STAU2: variants seen among roughly 807,000 people sequenced by gnomAD.
STAU2 encodes the protein double-stranded RNA-binding protein Staufen homolog 2.
Under a neutral mutation model 65.9 loss-of-function variants are expected in STAU2, and 20 were observed. The observed-to-expected ratio is 0.30, with a 90% CI of 0.21 to 0.44. STAU2 has a LOEUF of 0.44. Among genes scored for constraint, STAU2 ranks in the 20% least tolerant of loss-of-function variants. STAU2 has a pLI of 1.00. For missense variants in STAU2, 558 were observed against 683.9 expected (o/e 0.82, Z 2.05); for synonymous variants, 232 against 233.9 (o/e 0.99, Z 0.07).
intron 5 of STAU2, among the ~76,000 whole-genome samples, chr8:73,687,441 T>TATATAA (rs1308953069): frequency 2.3e-5 from 3 of 128,960 alleles, no homozygotes; most frequent in African/African-American, 1.0e-4. Flanking sequence ...ATATTTATAA[T>TATATAA]ATATAAATAT....
chr8:73,720,108 C>G (rs1191514197), intron 3 of STAU2, among the ~76,000 whole-genome samples: 1 of 152,056 alleles, frequency 6.6e-6, no homozygotes, highest in Admixed American at 6.6e-5. Flanking sequence ...GAAACCTTAT[C>G]TCTACAAACA....
chr8:73,687,942 C>T (rs953637759), intron 5 of STAU2, among the ~76,000 whole-genome samples: 17 of 151,078 alleles, frequency 1.1e-4, no homozygotes, highest in African/African-American at 3.9e-4. Flanking sequence ...TCTCAATCTC[C>T]TGACCTCGTG....
At chr8:73,456,362 T>C (rs918193965) in intron 13 of STAU2, among the ~76,000 whole-genome samples, 2 of 152,196 alleles carry the variant, frequency 1.3e-5, no homozygotes, top group African/African-American at 4.8e-5. Context: ...CTGGAACCTC[T>C]CATCTTCCAT....
At chr8:73,595,364 A>T in intron 10 of STAU2, 67 bp from the exon 11 acceptor site, 3 of 1,410,088 alleles carry the variant, frequency 2.1e-6, no homozygotes, top group Non-Finnish European at 2.8e-6. Context: ...AAGTCCTTAC[A>T]TCATAAAGCA....
At chr8:73,729,369 G>A (rs190659714) in intron 3 of STAU2, among the ~76,000 whole-genome samples, 48 of 152,150 alleles carry the variant, frequency 3.2e-4, no homozygotes, top group African/African-American at 1.1e-3. Context: ...TGTAATTTTC[G>A]CATTACGTCT....
chr8:73,672,504 G>A (rs181622689), intron 6 of STAU2: 2 of 152,034 alleles, frequency 1.3e-5, no homozygotes, highest in Admixed American at 6.6e-5. Flanking sequence ...TCATCAAGAG[G>A]TATACTTAAG....
chr8:73,574,256 A>C (rs1809341463), intron 12 of STAU2, among the ~76,000 whole-genome samples: 1 of 152,232 alleles, frequency 6.6e-6, no homozygotes, highest in African/African-American at 2.4e-5. Flanking sequence ...TCAGGAAACA[A>C]CAGGTGCTGG....
intron 6 of STAU2, among the ~76,000 whole-genome samples, chr8:73,671,408 A>C (rs537291040): frequency 1.3e-5 from 2 of 151,258 alleles, no homozygotes; most frequent in Non-Finnish European, 3.0e-5. Context: ...AAAAAAAAAC[A>C]AAAAAAACAC....
At chr8:73,594,392 G>A (rs1184324124) in intron 11 of STAU2, among the ~76,000 whole-genome samples, 1 of 152,094 alleles carries the variant, frequency 6.6e-6, no homozygotes, top group African/African-American at 2.4e-5. Context: ...CTCTGAAACA[G>A]AATTCTTGTG....
In STAU2 at chr8:73,688,707, G is replaced by A. The variant is rs142944780; in HGVS notation, c.221C>T (p.Thr74Met). The A allele has an allele frequency of 7.3e-5, 118 of 1,614,088 alleles. No homozygotes were observed. The African/African-American group carries it at 1.3e-3, about 18-fold the overall frequency. The change falls in exon 5 of 15, where the codon ACG (threonine) becomes ATG (methionine). Residue 74 changes from threonine to methionine, a missense_variant. Thr to Met is a moderately conservative substitution (Grantham distance 81). Around this residue, in one of 3 missense-constraint regions of STAU2, gnomAD observed 112 missense variants for 114.2 expected, o/e 0.98. Transcript: ENST00000524300. ...AVANKALTES[T>M]LPKPVQKPPK... ...TGGCTTCTGAACTGGTTTGGGAAGC[G>A]TAGATTCAGTCAAAGCTTTATTGGC...
At chr8:73,598,870 G>C (rs1316408136) in intron 10 of STAU2, among the ~76,000 whole-genome samples, 3 of 152,036 alleles carry the variant, frequency 2.0e-5, no homozygotes, top group Non-Finnish European at 4.4e-5. Context: ...CATTCAAGTA[G>C]AAGATGAAAA....
intron 13 of STAU2, among the ~76,000 whole-genome samples, chr8:73,485,478 G>A (rs16938682): frequency 1.3e-5 from 2 of 151,914 alleles, no homozygotes; most frequent in East Asian, 3.9e-4. Context: ...GTAGGACCAC[G>A]GAAGGGAGAG....
intron 13 of STAU2, among the ~76,000 whole-genome samples, chr8:73,424,757 C>A (rs1446697949): frequency 6.6e-6 from 1 of 151,488 alleles, no homozygotes; most frequent in Non-Finnish European, 1.5e-5. Flanking sequence ...AATCACAAAT[C>A]CTATATCCAA....
At chr8:73,638,908 CCAGT>C (rs1397770848) in intron 6 of STAU2, among the ~76,000 whole-genome samples, 3 of 150,236 alleles carry the variant, frequency 2.0e-5, no homozygotes, top group Admixed American at 6.7e-5. Flanking sequence ...GTAAGCAATA[CCAGT>C]CAGTGTTGCA....
chr8:73,434,690 C>T (rs1285438713), intron 13 of STAU2, among the ~76,000 whole-genome samples: 1 of 151,916 alleles, frequency 6.6e-6, no homozygotes, highest in Non-Finnish European at 1.5e-5. Context: ...GCTTTCATTA[C>T]ACATCTTTCT....
intron 12 of STAU2, among the ~76,000 whole-genome samples, chr8:73,566,474 A>T (rs1368246202): frequency 6.6e-6 from 1 of 152,228 alleles, no homozygotes; most frequent in Non-Finnish European, 1.5e-5. Context: ...AATGTTTTAT[A>T]AAAAAAGATT....
intron 13 of STAU2, among the ~76,000 whole-genome samples, chr8:73,468,957 A>G (rs56882844): frequency 0.3 from 45,241 of 151,360 alleles, 7,321 homozygotes; most frequent in East Asian, 0.55. Context: ...ATTACTGAGT[A>G]TATACCCAAA....
intron 1 of STAU2, among the ~76,000 whole-genome samples, chr8:73,744,502 A>C (rs919492810): frequency 6.6e-6 from 1 of 151,436 alleles, no homozygotes; most frequent in African/African-American, 2.4e-5. Context: ...AAAAAAAAAA[A>C]CCTACCATAT....
intron 13 of STAU2, among the ~76,000 whole-genome samples, chr8:73,449,110 G>A (rs1818652596): frequency 6.6e-6 from 1 of 152,244 alleles, no homozygotes; most frequent in Non-Finnish European, 1.5e-5. Context: ...CTTCGAGCAG[G>A]GACCGCGCAG....
Sources: allele counts gnomAD v4.1 joint callset (sites outside exome capture counted in the v4.1 genomes callset), GRCh38; gene constraint gnomAD v4.1.1; regional missense constraint gnomAD v4.1.1; transcripts MANE v1.5; gene names NCBI Gene and HGNC (gene_info 2026-07-23, HGNC 2026-07-21).